The following SOCS5 variants were observed in gnomAD, a reference collection of about 807,000 sequenced individuals.
SOCS5 encodes the protein suppressor of cytokine signaling 5.
Under a neutral mutation model 42.8 loss-of-function variants are expected in SOCS5, and 32 were observed. The ratio of observed to expected loss-of-function variants is 0.75; its 90% confidence interval spans 0.56 to 1.01. The LOEUF is 1.01. SOCS5 is among the 50% of genes least tolerant of loss of function. The pLI, the probability that SOCS5 is intolerant of heterozygous loss-of-function variation, is 0.00. For synonymous variants in SOCS5, 283 were observed against 229.6 expected (o/e 1.23, Z -2.10); for missense variants, 627 against 653.0 (o/e 0.96, Z 0.43).
At chr2:46,700,790 C>A (rs756815383) in intron 1 of SOCS5, among the ~76,000 whole-genome samples, 1 of 152,166 alleles carries the variant, frequency 6.6e-6, no homozygotes, top group Non-Finnish European at 1.5e-5. Flanking sequence ...AGTGCACCTC[C>A]ATGGCAGTCC....
intron 1 of SOCS5, among the ~76,000 whole-genome samples, chr2:46,727,213 A>G (rs1421178124): frequency 7.5e-6 from 1 of 132,566 alleles, no homozygotes; most frequent in Non-Finnish European, 1.5e-5. Flanking sequence ...CAGTGGCACG[A>G]TCTCAGCTCA....
chr2:46,760,399 G>T lies in SOCS5; in HGVS notation c.*258G>T. The T allele has an allele frequency of 2.6e-6, 1 of 388,324 alleles. No individual in the cohort carries two copies. The highest frequency in any genetic ancestry group is 4.5e-5 in the East Asian group (1 of 22,408). 24.1% of individuals were successfully genotyped at this position (388,324 alleles called of 1,614,324 possible). A position where few individuals can be genotyped will look rare whatever the true frequency, so the allele number is the denominator to read the frequency against. On this transcript the variant is annotated 3_prime_UTR_variant, in exon 2 of 2. Transcript: ENST00000394861. ...TTTCGCTAACAGTTTGGTTTTTAATGGCTGTGGTATTTGAGTGAGGCAACT... is the reference window on the plus strand; with the variant it reads ...TTTCGCTAACAGTTTGGTTTTTAATTGCTGTGGTATTTGAGTGAGGCAACT...
intron 1 of SOCS5, among the ~76,000 whole-genome samples, chr2:46,710,627 G>C (rs957040287): frequency 1.3e-5 from 2 of 151,990 alleles, no homozygotes; most frequent in Non-Finnish European, 2.9e-5. Context: ...GTCTGATAAA[G>C]GGCATCTATT....
chr2:46,740,783 C>T (rs1227696279), intron 1 of SOCS5, among the ~76,000 whole-genome samples: 2 of 152,026 alleles, frequency 1.3e-5, no homozygotes, highest in Non-Finnish European at 2.9e-5. Context: ...GGAACCAGAC[C>T]CTTCTCAGTC....
At chr2:46,723,510 T>C (rs903756465) in intron 1 of SOCS5, among the ~76,000 whole-genome samples, 1 of 152,040 alleles carries the variant, frequency 6.6e-6, no homozygotes, top group Non-Finnish European at 1.5e-5. Context: ...GGGTGTCCAA[T>C]TGTTACAACA....
chr2:46,744,258 G>T (rs2103745625), intron 1 of SOCS5, among the ~76,000 whole-genome samples: 1 of 152,198 alleles, frequency 6.6e-6, no homozygotes, highest in Admixed American at 6.5e-5. Flanking sequence ...CCAAAGTTCT[G>T]GGATTACAGG....
At position 46,759,746 on chromosome 2, in the gene SOCS5, A is replaced by G; in HGVS notation, c.1216A>G (p.Arg406Gly). Residue 406 changes from arginine to glycine, a missense_variant, in exon 2 of 2, where the codon AGG becomes GGG. This residue lies in a region of SOCS5 where 340 missense variants were observed against 367.6 expected (regional missense o/e 0.92). Coordinates refer to ENST00000394861, the MANE Select transcript of SOCS5 (RefSeq NM_144949.3). ...GAAACCTGAAGGCACGTTTTTGCTC[A>G]GGGACTCTGCGCAAGAGGACTACCT... The part of the protein sequence containing the change: ...EGKPEGTFLL[R>G]DSAQEDYLFS... 2 of 1,614,186 alleles carry G rather than the reference A, an allele frequency of 1.2e-6. No individual in the cohort carries two copies. Among genetic ancestry groups the G allele is most frequent in the Non-Finnish European group, 8.5e-7 (1 of 1,180,024 alleles).
At chr2:46,753,824 C>T (rs964695521) in intron 1 of SOCS5, among the ~76,000 whole-genome samples, 101 of 152,294 alleles carry the variant, frequency 6.6e-4, no homozygotes, top group African/African-American at 2.1e-3. Flanking sequence ...AACTTCCTGA[C>T]ATTGCTGTGG....
intron 1 of SOCS5, among the ~76,000 whole-genome samples, chr2:46,710,753 C>G (rs909167095): frequency 6.6e-6 from 1 of 152,188 alleles, no homozygotes; most frequent in African/African-American, 2.4e-5. Flanking sequence ...TACCTAAGTT[C>G]AAGATTAGTT....
intron 1 of SOCS5, among the ~76,000 whole-genome samples, chr2:46,741,739 A>G (rs1673382222): frequency 6.6e-6 from 1 of 152,178 alleles, no homozygotes; most frequent in East Asian, 1.9e-4. Context: ...TTTTATGTCT[A>G]TTATTTCAGC....
rs1558415349 is a variant in SOCS5, at chr2:46,759,665, A to C, written c.1135A>C (p.Asn379His). The change falls in exon 2 of 2, where the codon AAT becomes CAT. Residue 379 changes from asparagine (N) to histidine (H), a missense_variant. Coordinates refer to ENST00000394861, the MANE Select transcript of SOCS5 (RefSeq NM_144949.3). ...LVPDLLQITG[N>H]PCYWGVMDRY... ...GCCTGATTTGCTTCAAATTACAGGG[A>C]ATCCCTGTTACTGGGGAGTGATGGA... 2 of 1,614,126 alleles carry C rather than the reference A, an allele frequency of 1.2e-6. No individual in the cohort carries two copies. Among genetic ancestry groups the C allele is most frequent in the Non-Finnish European group, 1.7e-6 (2 of 1,180,006 alleles).
intron 1 of SOCS5, among the ~76,000 whole-genome samples, chr2:46,713,145 CAG>C (rs1672665286): frequency 6.6e-6 from 1 of 152,170 alleles, no homozygotes; most frequent in South Asian, 2.1e-4. Flanking sequence ...CACTTGAGCC[CAG>C]AAGTTTGAGA....
chr2:46,733,156 G>T (rs780271475), intron 1 of SOCS5, among the ~76,000 whole-genome samples: 13 of 151,930 alleles, frequency 8.6e-5, no homozygotes, highest in African/African-American at 2.9e-4. Flanking sequence ...GTGCAGTGGC[G>T]CGATCTCAGC....
At chr2:46,754,304 A>G (rs1315572669) in intron 1 of SOCS5, among the ~76,000 whole-genome samples, 2 of 152,204 alleles carry the variant, frequency 1.3e-5, no homozygotes, top group East Asian at 3.8e-4. Flanking sequence ...TTCTTAGCTT[A>G]AAATCCTTAT....
rs375307528 is a variant in SOCS5, at chr2:46,752,265, A to G, written c.-12-6254A>G. Among the ~76,000 whole-genome samples the G allele has an allele frequency of 6.9e-4, 105 of 151,962 alleles. 4 individuals carry two copies. The South Asian group carries it at 0.022, about 32-fold the overall frequency. ...CTCATAGGATTCAGCCCTGTTGTGA[A>G]CTGCGCACAGGGGATCTAGGTTGCG... On this transcript the variant is annotated intron_variant, in intron 1 of 1. Coordinates refer to ENST00000394861, the MANE Select transcript of SOCS5 (RefSeq NM_144949.3).
intron 1 of SOCS5, among the ~76,000 whole-genome samples, chr2:46,750,523 T>C (rs568948877): frequency 7.4e-4 from 113 of 152,274 alleles, no homozygotes; most frequent in African/African-American, 2.7e-3. Context: ...CAAGAACTTA[T>C]TAAACTCCAT....
At chr2:46,706,706 G>T (rs779987944) in intron 1 of SOCS5, among the ~76,000 whole-genome samples, 2 of 152,186 alleles carry the variant, frequency 1.3e-5, no homozygotes, top group Non-Finnish European at 2.9e-5. Flanking sequence ...CTATAAAGTA[G>T]TAATGTGAAA....
At chr2:46,710,730 C>G (rs950496142) in intron 1 of SOCS5, among the ~76,000 whole-genome samples, 5 of 152,042 alleles carry the variant, frequency 3.3e-5, no homozygotes, top group Admixed American at 6.5e-5. Context: ...AGGGATATAC[C>G]AGGTTCAAGA....
chr2:46,763,001 TTA>T lies in SOCS5; in HGVS notation c.*2861_*2862del, dbSNP rs1447730627. ...GCATTTCCACCTGATACAAAAACAT[TTA>T]GAGATCTTATTCTATAGATATTACC... On this transcript the variant is annotated 3_prime_UTR_variant, in exon 2 of 2. Coordinates refer to ENST00000394861, the MANE Select transcript of SOCS5 (RefSeq NM_144949.3). 1 of 167,076 alleles carries T rather than the reference TTA, an allele frequency of 6.0e-6. No individual in the cohort carries two copies. The highest frequency in any genetic ancestry group is 1.5e-5 in the Non-Finnish European group (1 of 68,102). The allele number at this position is 167,076 out of a possible 1,614,324, so 10.3% of individuals were successfully genotyped here. A position where few individuals can be genotyped will look rare whatever the true frequency, so the allele number is the denominator to read the frequency against.
Sources: gnomAD v4.1 joint callset for allele counts (sites outside exome capture counted in the v4.1 genomes callset) on GRCh38, gnomAD v4.1.1 for gene constraint, gnomAD v4.1.1 regional missense constraint, MANE v1.5 for transcripts, NCBI Gene and HGNC (gene_info 2026-07-23, HGNC 2026-07-21) for gene names.